ANKS1A: variants seen among roughly 807,000 people sequenced by gnomAD.
ANKS1A encodes ankyrin repeat and sterile alpha motif domain containing 1A.
A neutral mutation model predicts 120.3 loss-of-function variants in ANKS1A; 55 were observed. The observed-to-expected ratio is 0.46, with a 90% CI of 0.37 to 0.57. The LOEUF (loss-of-function observed/expected upper bound fraction) is 0.57. Among genes scored for constraint, ANKS1A ranks in the 20% least tolerant of loss-of-function variants. The pLI, the probability that ANKS1A is intolerant of heterozygous loss-of-function variation, is 0.00. For missense variants in ANKS1A, 1,123 were observed against 1,480.3 expected, an observed-to-expected ratio of 0.76 and a Z score of 3.96; for synonymous variants, 590 against 604.7, an observed-to-expected ratio of 0.98 and a Z score of 0.36.
At chr6:35,083,571 G>T in intron 20 of ANKS1A, 68 bp downstream of exon 20, 1 of 1,502,794 alleles carries the variant, frequency 6.7e-7, no homozygotes, top group Non-Finnish European at 9.3e-7. Context: ...CAGGGCTCCA[G>T]GGCAAGCAAC....
intron 1 of ANKS1A, among the ~76,000 whole-genome samples, chr6:34,914,212 T>TGC (rs1561844468): frequency 4.6e-5 from 6 of 131,850 alleles, no homozygotes; most frequent in African/African-American, 1.6e-4. Context: ...TGAGCCACCT[T>TGC]ACCCAGCCAA....
rs1766685913 is a variant in ANKS1A, at chr6:34,889,527, G to C, written c.125G>C (p.Gly42Ala). 2 of 1,263,154 alleles carry C rather than the reference G, an allele frequency of 1.6e-6. No individual in the cohort carries two copies. The highest frequency in any genetic ancestry group is 4.2e-5 in the Admixed American group (1 of 23,850). The allele number at this position is 1,263,154 out of a possible 1,614,324, so 78.2% of individuals were successfully genotyped here. A position where few individuals can be genotyped will look rare whatever the true frequency, so the allele number is the denominator to read the frequency against. ...FGGGGGGGSG[G>A]GGGGSGGGGG... ...GGCGGCGGCGGCGGTGGCTCTGGGG[G>C]CGGCGGCGGCGGCAGCGGCGGCGGC... Residue 42 changes from glycine to alanine, a missense_variant, in exon 1 of 24, where the codon GGC becomes GCC. This residue lies in a region of ANKS1A where 73 missense variants were observed against 82.2 expected (regional missense o/e 0.89). Coordinates refer to ENST00000360359, the MANE Select transcript of ANKS1A (RefSeq NM_015245.3). This position sits in a 1 kb window ranked among gnomAD's most constrained non-coding sequence, Gnocchi z 5.5.
Position 35,085,808 on chromosome 6 carries a change from G to C in ANKS1A, c.3175G>C (p.Glu1059Gln), listed in dbSNP as rs983642221. ...CATCCTGACGCTGGGGCAGGCCTTCGAAGTGGCCTATCAGTTGGCCCTGCA... is the reference window on the plus strand; with the variant it reads ...CATCCTGACGCTGGGGCAGGCCTTCCAAGTGGCCTATCAGTTGGCCCTGCA... ...EIILTLGQAF[E>Q]VAYQLALQAQ... is the part of the protein sequence containing the mutation. The change falls in exon 22 of 24, where the codon GAA (glutamate) becomes CAA (glutamine). Residue 1059 changes from glutamate (E) to glutamine (Q), a missense_variant. This residue lies in a region of ANKS1A where 904 missense variants were observed against 1,130.4 expected (regional missense o/e 0.80). Coordinates refer to ENST00000360359, the MANE Select transcript of ANKS1A (RefSeq NM_015245.3). The surrounding 1 kb of genome is among the most constrained non-coding windows in gnomAD (Gnocchi z 4.7). The C allele has an allele frequency of 1.1e-5, 18 of 1,611,022 alleles. No individual in the cohort carries two copies. Among genetic ancestry groups the C allele is most frequent in the Non-Finnish European group, 1.5e-5 (18 of 1,178,594 alleles).
intron 13 of ANKS1A, among the ~76,000 whole-genome samples, chr6:35,069,426 G>A (rs1194745070): frequency 1.3e-5 from 2 of 151,914 alleles, no homozygotes; most frequent in African/African-American, 4.8e-5. Flanking sequence ...TAGGTCTCTT[G>A]GTATTCTCCT....
chr6:34,892,954 T>C (rs1766895628), intron 1 of ANKS1A, among the ~76,000 whole-genome samples: 1 of 152,232 alleles, frequency 6.6e-6, no homozygotes, highest in African/African-American at 2.4e-5. Flanking sequence ...TGGATATTTA[T>C]TCAGGAACAG....
intron 1 of ANKS1A, among the ~76,000 whole-genome samples, chr6:34,934,064 A>G (rs1215280643): frequency 1.3e-5 from 2 of 152,236 alleles, no homozygotes; most frequent in Non-Finnish European, 2.9e-5. Flanking sequence ...CTTATACTCC[A>G]TACAAATTAA....
chr6:35,070,765 T>C (rs529273114), intron 13 of ANKS1A: 5 of 318,622 alleles, frequency 1.6e-5, no homozygotes, highest in Non-Finnish European at 3.0e-5. Flanking sequence ...ATTACAGGCG[T>C]GAGCCACCGT....
In ANKS1A at chr6:35,054,170, C is replaced by T. The variant is rs200110019; in HGVS notation, c.2077+5C>T. On this transcript the variant is annotated splice_donor_5th_base_variant and intron_variant, in intron 12 of 23. Coordinates refer to ENST00000360359, the MANE Select transcript of ANKS1A (RefSeq NM_015245.3). ...AGGAACGGCAGAAGATCTCAGGTAC[C>T]GTACTAAGTGGCCATTTTCCCCACA... The T allele has an allele frequency of 6.8e-6, 11 of 1,613,536 alleles. No homozygotes were observed. The highest frequency in any genetic ancestry group is 1.6e-4 in the Middle Eastern group (1 of 6,080).
chr6:34,948,989 A>G (rs1390412330), intron 1 of ANKS1A, among the ~76,000 whole-genome samples: 1 of 152,196 alleles, frequency 6.6e-6, no homozygotes, highest in Non-Finnish European at 1.5e-5. Flanking sequence ...TCAGCCATTT[A>G]CTGTCCTTTC....
intron 1 of ANKS1A, among the ~76,000 whole-genome samples, chr6:34,955,715 T>C (rs1203700726): frequency 1.3e-5 from 2 of 152,194 alleles, no homozygotes; most frequent in African/African-American, 4.8e-5. Context: ...CATTTCCTGA[T>C]AAAAGAGTGT....
At chr6:34,893,645 C>A (rs1449471676) in intron 1 of ANKS1A, among the ~76,000 whole-genome samples, 1 of 152,234 alleles carries the variant, frequency 6.6e-6, no homozygotes, top group Non-Finnish European at 1.5e-5. Context: ...ATTAGCCCCT[C>A]TCTTCATACA....
chr6:34,954,600 T>C (rs1770254752), intron 1 of ANKS1A, among the ~76,000 whole-genome samples: 1 of 152,238 alleles, frequency 6.6e-6, no homozygotes, highest in South Asian at 2.1e-4. Flanking sequence ...GTCACCTTTC[T>C]TGCTTGTGTC....
intron 1 of ANKS1A, among the ~76,000 whole-genome samples, chr6:34,897,226 T>G (rs1472841385): frequency 6.6e-6 from 1 of 152,160 alleles, no homozygotes; most frequent in African/African-American, 2.4e-5. Context: ...GAAACAAGCT[T>G]GTGATCTGAA....
intron 1 of ANKS1A, among the ~76,000 whole-genome samples, chr6:34,964,352 A>G (rs1326324189): frequency 6.6e-6 from 1 of 152,170 alleles, no homozygotes; most frequent in Non-Finnish European, 1.5e-5. Flanking sequence ...ACGCAATAGG[A>G]AAGTCTCTCT....
chr6:35,043,831 C>G (rs1775591169), intron 11 of ANKS1A, among the ~76,000 whole-genome samples: 2 of 152,174 alleles, frequency 1.3e-5, no homozygotes, highest in Non-Finnish European at 2.9e-5. Flanking sequence ...ACACCATTGA[C>G]TAAAATTTCC....
chr6:35,087,348 C>T (rs1177292104), intron 23 of ANKS1A, among the ~76,000 whole-genome samples: 1 of 152,218 alleles, frequency 6.6e-6, no homozygotes, highest in Non-Finnish European at 1.5e-5. Context: ...TTCTGTTGCA[C>T]CCTGGAAGCC....
intron 11 of ANKS1A, among the ~76,000 whole-genome samples, chr6:35,039,867 TC>T (rs1172318581): frequency 6.6e-6 from 1 of 152,200 alleles, no homozygotes; most frequent in Non-Finnish European, 1.5e-5. Context: ...TTCTCATAGT[TC>T]TAGAGGCTGG....
In ANKS1A at chr6:34,967,097, T is replaced by G. The variant is rs974649251; in HGVS notation, c.198-142T>G. The G allele has an allele frequency of 5.7e-6, 4 of 700,100 alleles. No homozygotes were observed. The African/African-American group carries it at 7.0e-5, about 12-fold the overall frequency. 43.4% of individuals were successfully genotyped at this position (700,100 alleles called of 1,614,324 possible). A position where few individuals can be genotyped will look rare whatever the true frequency, so the allele number is the denominator to read the frequency against. ...ATCTCTGCAGTGTATAGCTGCTGTGTGTTATCAGGAGTCATTTGGAAGTAA... is the reference window on the plus strand; with the variant it reads ...ATCTCTGCAGTGTATAGCTGCTGTGGGTTATCAGGAGTCATTTGGAAGTAA... On this transcript the variant is annotated intron_variant, in intron 1 of 23. Coordinates refer to ENST00000360359, the MANE Select transcript of ANKS1A (RefSeq NM_015245.3).
At chr6:34,899,098 T>C (rs542087593) in intron 1 of ANKS1A, among the ~76,000 whole-genome samples, 1 of 152,194 alleles carries the variant, frequency 6.6e-6, no homozygotes, top group Non-Finnish European at 1.5e-5. Context: ...GAAACATACA[T>C]GTTGTTGAAT....
Sources: allele counts gnomAD v4.1 joint callset (sites outside exome capture counted in the v4.1 genomes callset), GRCh38; gene constraint gnomAD v4.1.1; regional missense constraint gnomAD v4.1.1; non-coding constraint Gnocchi (gnomAD v3.1); transcripts MANE v1.5; gene names NCBI Gene and HGNC (gene_info 2026-07-23, HGNC 2026-07-21).